Variants in RUNX1 observed in about 807,000 individuals in gnomAD.
RUNX1 encodes the protein RUNX family transcription factor 1, also known as runt-related transcription factor 1.
In RUNX1, 19 loss-of-function variants were observed where a neutral mutation model predicts 42.8. The observed-to-expected ratio is 0.44, with a 90% confidence interval of 0.31 to 0.65. The LOEUF is 0.65. Ranked by LOEUF, RUNX1 falls within the 30% of genes least tolerant of loss-of-function variation. The pLI, the probability that RUNX1 is intolerant of heterozygous loss-of-function variation, is 0.07. For synonymous variants in RUNX1, 271 were observed against 289.4 expected, an observed-to-expected ratio of 0.94 and a Z score of 0.64; for missense variants, 528 against 672.0, an observed-to-expected ratio of 0.79 and a Z score of 2.37.
Position 34,901,661 on chromosome 21 carries a change from A to G in RUNX1, c.59-8698T>C, listed in dbSNP as rs1231197593. ...CTCTTTGGTGTGGGCCCTTCTCCAC[A>G]TGCTCTTTGGTTCCGTCAGCTACAG... On this transcript the variant is annotated intron_variant, in intron 2 of 8. Coordinates refer to ENST00000675419, the MANE Select transcript of RUNX1 (RefSeq NM_001754.5). This position sits in a 1 kb window ranked among gnomAD's most constrained non-coding sequence, Gnocchi z 4.3. 6.6e-6 allele frequency among the ~76,000 whole-genome samples: 1 copy of G among 152,186 alleles called. No homozygotes were observed. Among genetic ancestry groups the G allele is most frequent in the African/African-American group, 2.4e-5 (1 of 41,438 alleles).
intron 2 of RUNX1, among the ~76,000 whole-genome samples, chr21:34,938,468 T>C (rs1375446428): frequency 6.6e-6 from 1 of 152,158 alleles, no homozygotes; most frequent in Non-Finnish European, 1.5e-5. Flanking sequence ...TTTTATTTTA[T>C]AGTTCTCTCA....
intron 2 of RUNX1, among the ~76,000 whole-genome samples, chr21:34,980,758 G>T (rs2058840796): frequency 6.6e-6 from 1 of 152,202 alleles, no homozygotes. Flanking sequence ...CGTTTCCAAA[G>T]ATTTGAATGG....
chr21:35,040,781 A>C (rs1349211474), intron 2 of RUNX1, among the ~76,000 whole-genome samples: 1 of 151,186 alleles, frequency 6.6e-6, no homozygotes, highest in East Asian at 1.9e-4. Flanking sequence ...CAAAAAAAAA[A>C]AAAAAAAAAA....
At chr21:34,812,340 T>A (rs1275420688) in intron 7 of RUNX1, among the ~76,000 whole-genome samples, 1 of 152,236 alleles carries the variant, frequency 6.6e-6, no homozygotes, top group Non-Finnish European at 1.5e-5. Flanking sequence ...TGATGTGAAC[T>A]AATTGGGATT....
chr21:35,018,392 C>T (rs2059174747), intron 2 of RUNX1, among the ~76,000 whole-genome samples: 1 of 152,150 alleles, frequency 6.6e-6, no homozygotes, highest in Non-Finnish European at 1.5e-5. Flanking sequence ...AGATCCTTCC[C>T]TCATGGCTGT....
chr21:34,914,300 G>A (rs527922931), intron 2 of RUNX1, among the ~76,000 whole-genome samples: 8 of 152,180 alleles, frequency 5.3e-5, no homozygotes, highest in Non-Finnish European at 1.2e-4. Flanking sequence ...TAATGGGGAC[G>A]TTAAGACCAA....
chr21:34,986,564 C>T (rs976049399), intron 2 of RUNX1, among the ~76,000 whole-genome samples: 1 of 148,032 alleles, frequency 6.8e-6, no homozygotes, highest in Non-Finnish European at 1.5e-5. Context: ...TGAGGTCATA[C>T]TAGATTAGGT....
At chr21:34,820,615 G>A (rs2056894976) in intron 7 of RUNX1, among the ~76,000 whole-genome samples, 1 of 151,628 alleles carries the variant, frequency 6.6e-6, no homozygotes. Flanking sequence ...GTTGCAGTGA[G>A]CCTGGGTGAC....
intron 6 of RUNX1, among the ~76,000 whole-genome samples, chr21:34,853,830 T>C (rs1476770626): frequency 6.6e-6 from 1 of 150,808 alleles, no homozygotes; most frequent in African/African-American, 2.4e-5. Flanking sequence ...TTTTTTTTTT[T>C]GAGACAAGGT....
intron 2 of RUNX1, among the ~76,000 whole-genome samples, chr21:34,914,493 C>T (rs2058296507): frequency 1.3e-5 from 2 of 152,130 alleles, no homozygotes; most frequent in Admixed American, 6.5e-5. Flanking sequence ...ATATGAATCT[C>T]TTGACAGGGT....
At chr21:34,886,707 G>A (rs1411036362) in intron 4 of RUNX1, 136 bp downstream of exon 4, 9 of 1,388,850 alleles carry the variant, frequency 6.5e-6, no homozygotes, top group Non-Finnish European at 8.9e-6. Context: ...CACATCCCAA[G>A]CTAGGAAGAC....
intron 2 of RUNX1, among the ~76,000 whole-genome samples, chr21:34,928,377 T>C (rs958619664): frequency 1.3e-5 from 2 of 152,206 alleles, no homozygotes; most frequent in Admixed American, 6.5e-5. Context: ...AGATTCTTTA[T>C]CTTGATACCC....
intron 2 of RUNX1, among the ~76,000 whole-genome samples, chr21:34,962,059 A>C (rs76793647): frequency 0.012 from 1,855 of 152,010 alleles, 20 homozygotes; most frequent in East Asian, 0.034. Context: ...TGCCTGATTA[A>C]TTTTTGAAAA....
chr21:34,957,540 G>A (rs910240373), intron 2 of RUNX1, among the ~76,000 whole-genome samples: 2 of 152,108 alleles, frequency 1.3e-5, no homozygotes, highest in South Asian at 4.1e-4. Context: ...TGGGTGCCAT[G>A]AAAAAAATGT....
chr21:34,915,890 C>T (rs1217752379), intron 2 of RUNX1, among the ~76,000 whole-genome samples: 1 of 152,082 alleles, frequency 6.6e-6, no homozygotes, highest in Non-Finnish European at 1.5e-5. Flanking sequence ...CTTCACATTC[C>T]TCGTTTTTGG....
intron 2 of RUNX1, among the ~76,000 whole-genome samples, chr21:35,040,569 C>G (rs561751891): frequency 6.6e-6 from 1 of 151,754 alleles, no homozygotes; most frequent in East Asian, 1.9e-4. Flanking sequence ...GTCGGGAGAT[C>G]GAAACCATCC....
chr21:34,931,366 G>A (rs376812652), intron 2 of RUNX1, among the ~76,000 whole-genome samples: 1 of 144,114 alleles, frequency 6.9e-6, no homozygotes, highest in South Asian at 2.1e-4. Context: ...GTATATATAT[G>A]TGTATATATA....
intron 6 of RUNX1, among the ~76,000 whole-genome samples, chr21:34,856,927 GA>G (rs2146219162): frequency 6.6e-6 from 1 of 152,268 alleles, no homozygotes; most frequent in East Asian, 1.9e-4. Context: ...GCTTACTATA[GA>G]AAGTTCCCAC....
At chr21:34,975,592 TG>T (rs893251542) in intron 2 of RUNX1, among the ~76,000 whole-genome samples, 5 of 152,144 alleles carry the variant, frequency 3.3e-5, no homozygotes, top group Admixed American at 2.6e-4. Flanking sequence ...CCATGGATAC[TG>T]GGGGGTGACT....
Sources: gnomAD v4.1 joint callset for allele counts (sites outside exome capture counted in the v4.1 genomes callset) on GRCh38, gnomAD v4.1.1 for gene constraint, Gnocchi (gnomAD v3.1) non-coding constraint, MANE v1.5 for transcripts, NCBI Gene and HGNC (gene_info 2026-07-23, HGNC 2026-07-21) for gene names.